AQR: variants seen among roughly 807,000 people sequenced by gnomAD.
The protein encoded by AQR is RNA helicase aquarius.
A neutral mutation model predicts 180.5 loss-of-function variants in AQR; 61 were observed. The ratio of observed to expected loss-of-function variants is 0.34; its 90% CI spans 0.28 to 0.42. AQR has a LOEUF of 0.42. Among genes scored for constraint, AQR ranks in the 10% least tolerant of loss-of-function variants. The probability of loss-of-function intolerance (pLI) is 1.00; values close to 1 mark genes in which losing one functional copy is unlikely to be tolerated. For missense variants in AQR, 1,281 were observed against 1,798.3 expected, an observed-to-expected ratio of 0.71 and a Z score of 5.20; for synonymous variants, 551 against 588.8, an observed-to-expected ratio of 0.94 and a Z score of 0.93.
At chr15:34,963,284 CCT>C (rs1206388373) in intron 2 of AQR, among the ~76,000 whole-genome samples, 1 of 152,136 alleles carries the variant, frequency 6.6e-6, no homozygotes, top group Non-Finnish European at 1.5e-5. Context: ...TGGCCTTAGA[CCT>C]CTCTTTAAGA....
intron 18 of AQR, 106 bp downstream of exon 18, chr15:34,906,439 G>C: frequency 7.6e-7 from 1 of 1,322,970 alleles, no homozygotes; most frequent in Non-Finnish European, 1.0e-6. Context: ...TGTCAATTTA[G>C]TAGGTAAAAG....
At chr15:34,887,462 T>A (rs898901428) in intron 24 of AQR, among the ~76,000 whole-genome samples, 4 of 152,236 alleles carry the variant, frequency 2.6e-5, no homozygotes, top group Non-Finnish European at 5.9e-5. Context: ...GTCATCTACA[T>A]ATCCCAATAC....
intron 33 of AQR, among the ~76,000 whole-genome samples, chr15:34,861,476 A>G (rs1157909635): frequency 1.3e-5 from 2 of 152,200 alleles, no homozygotes; most frequent in Non-Finnish European, 2.9e-5. Flanking sequence ...CCTTGAACTC[A>G]TGAGTGTTAT....
intron 24 of AQR, among the ~76,000 whole-genome samples, chr15:34,888,575 T>C (rs1305434824): frequency 6.6e-6 from 1 of 151,920 alleles, no homozygotes; most frequent in African/African-American, 2.4e-5. Context: ...TGGGTACCTG[T>C]AATCCCAGCT....
intron 14 of AQR, among the ~76,000 whole-genome samples, chr15:34,918,640 C>T (rs1387432089): frequency 6.6e-6 from 1 of 152,222 alleles, no homozygotes; most frequent in Non-Finnish European, 1.5e-5. Context: ...TTTAACCTTC[C>T]TAACCTTAGT....
chr15:34,942,832 A>T (rs944823648), intron 6 of AQR, among the ~76,000 whole-genome samples: 2 of 152,222 alleles, frequency 1.3e-5, no homozygotes, highest in Non-Finnish European at 2.9e-5. Flanking sequence ...CAATGTTCAT[A>T]GCTACTTTAT....
Position 34,853,442 on chromosome 15 carries a change from A to G in AQR, c.*3350T>C, listed in dbSNP as rs1405677537. 4.6e-5 allele frequency: 7 copies of G among 152,104 alleles called. No homozygotes were observed. The highest frequency in any genetic ancestry group is 1.0e-4 in the Non-Finnish European group (7 of 68,014). The allele number at this position is 152,104 out of a possible 1,614,324, so 9.4% of individuals were successfully genotyped here. Reference sequence around the variant, plus strand: ...CAGCTCCATATTTCAGAAAGACCTAATGTCTTCCTTCTGCTTATACTGTTC... The same window carrying G: ...CAGCTCCATATTTCAGAAAGACCTAGTGTCTTCCTTCTGCTTATACTGTTC... On this transcript the variant is annotated 3_prime_UTR_variant, in exon 35 of 35. Coordinates refer to ENST00000156471, the MANE Select transcript of AQR (RefSeq NM_014691.3).
chr15:34,939,259 C>T (rs992588396), intron 8 of AQR, among the ~76,000 whole-genome samples: 2 of 152,058 alleles, frequency 1.3e-5, no homozygotes, highest in African/African-American at 2.4e-5. Context: ...AGTAGAGATG[C>T]GGTTCCACCA....
At position 34,901,096 on chromosome 15, in the gene AQR, G is replaced by A. The variant is rs79842169; in HGVS notation, c.2002-233C>T. 2.4e-3 allele frequency among the ~76,000 whole-genome samples: 364 copies of A among 152,244 alleles called. 2 individuals are homozygous for A. Among genetic ancestry groups the A allele is most frequent in the Middle Eastern group, 6.8e-3 (2 of 294 alleles). ...CAAACTTAGCAAGAACAGTTTATCCGTTAAGAGTTCGCTTAGACAGAATGA... is the reference window on the plus strand; with the variant it reads ...CAAACTTAGCAAGAACAGTTTATCCATTAAGAGTTCGCTTAGACAGAATGA... On this transcript the variant is annotated intron_variant, in intron 19 of 34. Coordinates refer to ENST00000156471, the MANE Select transcript of AQR (RefSeq NM_014691.3).
At chr15:34,922,822 A>C (rs1172888476) in intron 13 of AQR, among the ~76,000 whole-genome samples, 2 of 152,098 alleles carry the variant, frequency 1.3e-5, no homozygotes, top group Non-Finnish European at 1.5e-5. Context: ...CCATTAAAAA[A>C]AAAACAAATT....
chr15:34,910,356 T>A (rs1893481791), intron 16 of AQR, 43 bp from the exon 17 acceptor site: 1 of 1,600,704 alleles, frequency 6.2e-7, no homozygotes, highest in Non-Finnish European at 8.5e-7. Context: ...AAAAAATAAT[T>A]TATCCCCAAC....
Position 34,969,428 on chromosome 15 carries a change from C to G in AQR, c.75+111G>C, listed in dbSNP as rs558065903. ...AAAAAGACGTGTGTGAATCAATTAA[C>G]AAACGAATGCCTCCTCCGGACTCCT... On this transcript the variant is annotated intron_variant, in intron 1 of 34. Transcript: ENST00000156471. 5.1e-5 allele frequency: 58 copies of G among 1,130,988 alleles called. 1 individual carries two copies. The South Asian group carries it at 7.3e-4, about 14-fold the overall frequency. The allele number at this position is 1,130,988 out of a possible 1,614,324, so 70.1% of individuals were successfully genotyped here. A position where few individuals can be genotyped will look rare whatever the true frequency, so the allele number is the denominator to read the frequency against.
chr15:34,930,988 C>G (rs902810942), intron 11 of AQR, among the ~76,000 whole-genome samples: 4 of 152,058 alleles, frequency 2.6e-5, no homozygotes, highest in African/African-American at 7.3e-5. Context: ...AGGCGCCCAC[C>G]ACCATGCCTG....
chr15:34,873,680 A>C (rs1892854186), intron 30 of AQR, 148 bp downstream of exon 30: 2 of 539,664 alleles, frequency 3.7e-6, no homozygotes, highest in South Asian at 1.0e-4. Context: ...ATTTTTAATC[A>C]ATCTGAAATC....
At chr15:34,878,275 A>G (rs1386951511) in intron 27 of AQR, among the ~76,000 whole-genome samples, 1 of 150,826 alleles carries the variant, frequency 6.6e-6, no homozygotes, top group Admixed American at 6.6e-5. Context: ...AATCCCAGCT[A>G]CTCGGGAGGC....
intron 34 of AQR, 148 bp downstream of exon 34, chr15:34,859,894 T>A (rs1485871932): frequency 2.4e-6 from 1 of 414,950 alleles, no homozygotes; most frequent in Admixed American, 4.3e-5. Context: ...AAAGAAGTTT[T>A]AAAAATACGA....
Position 34,940,978 on chromosome 15 carries a change from TTAATTC to T in AQR, c.556_561del (p.Glu186_Leu187del). On this transcript the variant is annotated inframe_deletion, in exon 8 of 35. Coordinates refer to ENST00000156471, the MANE Select transcript of AQR (RefSeq NM_014691.3). Reference sequence around the variant, plus strand: ...AATTTTCTTAGCTTAGGTGTCTTTTTTAATTCTAATTCCAATCGTGCCTGAAGAAGA... The same window carrying T: ...AATTTTCTTAGCTTAGGTGTCTTTTTTAATTCCAATCGTGCCTGAAGAAGA... 1 of 1,606,678 alleles carries T rather than the reference TTAATTC, an allele frequency of 6.2e-7. No homozygotes were observed. The highest frequency in any genetic ancestry group is 8.5e-7 in the Non-Finnish European group (1 of 1,176,118).
chr15:34,907,722 G>C (rs1307343061), intron 17 of AQR, among the ~76,000 whole-genome samples: 1 of 152,182 alleles, frequency 6.6e-6, no homozygotes, highest in Admixed American at 6.5e-5. Flanking sequence ...GAGAATGAAT[G>C]GGAATCATCC....
chr15:34,881,951 G>A (rs779046095), intron 27 of AQR, among the ~76,000 whole-genome samples: 6 of 151,960 alleles, frequency 3.9e-5, no homozygotes, highest in Non-Finnish European at 8.8e-5. Context: ...GATTACAGGC[G>A]TATACCACCA....
Sources: gnomAD v4.1 joint callset for allele counts (sites outside exome capture counted in the v4.1 genomes callset) on GRCh38, gnomAD v4.1.1 for gene constraint, MANE v1.5 for transcripts, NCBI Gene and HGNC (gene_info 2026-07-23, HGNC 2026-07-21) for gene names.